Variants in RFX6 observed in about 807,000 individuals in gnomAD.
RFX6 encodes DNA-binding protein RFX6.
A neutral mutation model predicts 110.8 loss-of-function variants in RFX6; 50 were observed. The ratio of observed to expected loss-of-function variants is 0.45; its 90% confidence interval spans 0.36 to 0.57. The LOEUF (loss-of-function observed/expected upper bound fraction) is 0.57, where lower values mean the gene tolerates loss of function less well. Ranked by LOEUF, RFX6 falls within the 20% of genes least tolerant of loss-of-function variation. RFX6 has a pLI of 0.00. For synonymous variants in RFX6, 383 were observed against 411.2 expected (o/e 0.93, Z 0.83); for missense variants, 990 against 1,127.0 (o/e 0.88, Z 1.74).
chr6:116,922,747 G>T (rs1467341523), intron 13 of RFX6, among the ~76,000 whole-genome samples: 1 of 152,088 alleles, frequency 6.6e-6, no homozygotes, highest in East Asian at 1.9e-4. Flanking sequence ...CAGTACCAAA[G>T]AAGTCAGAGT....
chr6:116,909,617 AAT>A lies in RFX6; in HGVS notation c.673-1316_673-1315del, dbSNP rs534206628. Among the ~76,000 whole-genome samples the A allele has an allele frequency of 3.3e-4, 43 of 129,382 alleles. No individual in the cohort carries two copies. In the East Asian group the frequency reaches 4.3e-3, roughly 13 times the overall value. 84.9% of individuals were successfully genotyped at this position (129,382 alleles called of 152,430 possible). On this transcript the variant is annotated intron_variant, in intron 6 of 18. Transcript: ENST00000332958. Reference sequence around the variant, plus strand: ...TATCAGTTTATGATAATTATTAAATAATAGTTATTAATTAAAAAATTAAGAAT... The same window carrying A: ...TATCAGTTTATGATAATTATTAAATAAGTTATTAATTAAAAAATTAAGAAT...
rs144469309 is a variant in RFX6 at position 116,884,200 on chromosome 6, T to A, written c.566+1772T>A. Reference sequence around the variant, plus strand: ...TGTCTCTTGAACTTCTTCCTTTAGATCTTTTTTTAGTCCATTGATTTATTG... The same window carrying A: ...TGTCTCTTGAACTTCTTCCTTTAGAACTTTTTTTAGTCCATTGATTTATTG... On this transcript the variant is annotated intron_variant, in intron 4 of 18. Coordinates refer to ENST00000332958, the MANE Select transcript of RFX6 (RefSeq NM_173560.4). Among the ~76,000 whole-genome samples, 4 of 152,316 alleles carry A rather than the reference T, an allele frequency of 2.6e-5. No homozygotes were observed. The East Asian group carries it at 5.8e-4, about 22-fold the overall frequency.
chr6:116,878,074 C>A, intron 2 of RFX6, 122 bp downstream of exon 2: 1 of 1,040,234 alleles, frequency 9.6e-7, no homozygotes, highest in Non-Finnish European at 1.4e-6. Flanking sequence ...TTTAAAAAAC[C>A]AATTAGAATT....
chr6:116,900,862 A>G lies in RFX6; in HGVS notation c.672+5655A>G, dbSNP rs1187470397. On this transcript the variant is annotated intron_variant, in intron 6 of 18. Transcript: ENST00000332958. ...GTTAATTATAAAAAAAGGACACAGA[A>G]GCAAATATATGTGAAATATGTAAAG... Among the ~76,000 whole-genome samples, 5 of 152,284 alleles carry G rather than the reference A, an allele frequency of 3.3e-5. No individual in the cohort carries two copies. In the South Asian group the frequency reaches 8.3e-4, roughly 25 times the overall value.
intron 4 of RFX6, among the ~76,000 whole-genome samples, chr6:116,885,341 A>G (rs1774677873): frequency 6.6e-6 from 1 of 152,208 alleles, no homozygotes. Flanking sequence ...TATGCTTTCA[A>G]CCGCACTATC....
At chr6:116,886,924 G>C (rs571684240) in intron 4 of RFX6, among the ~76,000 whole-genome samples, 3 of 151,820 alleles carry the variant, frequency 2.0e-5, no homozygotes, top group Admixed American at 2.0e-4. Flanking sequence ...TTAGCTGGGC[G>C]TGGTGGTGCG....
chr6:116,894,092 T>A (rs1416256691), intron 5 of RFX6, 28 bp downstream of exon 5: 5 of 1,161,416 alleles, frequency 4.3e-6, no homozygotes, highest in Non-Finnish European at 5.2e-6. Context: ...TCAAGACAAA[T>A]TCTCTGTGTT....
intron 4 of RFX6, among the ~76,000 whole-genome samples, chr6:116,890,780 C>T (rs139758293): frequency 9.9e-5 from 15 of 151,938 alleles, no homozygotes; most frequent in East Asian, 5.8e-4. Flanking sequence ...TTAAAAAGCA[C>T]GGTTTTTTGA....
At position 116,919,222 on chromosome 6, in the gene RFX6, G is replaced by A. The variant is rs1046919670; in HGVS notation, c.1108G>A (p.Asp370Asn). The change falls in exon 11 of 19, where the codon GAC (aspartate) becomes AAC (asparagine). Residue 370 changes from aspartate to asparagine, a missense_variant. By Grantham distance (23) the Asp-to-Asn change is conservative. Around this residue, in one of 5 missense-constraint regions of RFX6, gnomAD observed 243 missense variants for 353.1 expected, o/e 0.69. Transcript: ENST00000332958. ...GGAAAACTTGCCAGAAGCTCTAACT[G>A]ACAAGAAAATACCTATTGTGCGAAG... ...SLENLPEALT[D>N]KKIPIVRRFV... The A allele has an allele frequency of 6.2e-7, 1 of 1,613,552 alleles. No homozygotes were observed. The highest frequency in any genetic ancestry group is 1.3e-5 in the African/African-American group (1 of 75,018).
chr6:116,898,361 A>T (rs339347), intron 6 of RFX6, among the ~76,000 whole-genome samples: 3 of 151,754 alleles, frequency 2.0e-5, no homozygotes, highest in African/African-American at 7.3e-5. Flanking sequence ...ACAGGGTCTC[A>T]CTCTGTCACC....
chr6:116,893,276 A>G (rs1334064215), intron 4 of RFX6, among the ~76,000 whole-genome samples: 1 of 152,180 alleles, frequency 6.6e-6, no homozygotes, highest in Non-Finnish European at 1.5e-5. Flanking sequence ...GTGTTTGTAT[A>G]TGGGTGTGTA....
At position 116,931,620 on chromosome 6, in the gene RFX6, C is replaced by T. The variant is rs1775888493; in HGVS notation, c.*114C>T. 2.5e-6 allele frequency: 2 copies of T among 803,926 alleles called. No individual in the cohort carries two copies. Among genetic ancestry groups the T allele is most frequent in the Admixed American group, 4.5e-5 (2 of 44,372 alleles). 49.8% of individuals were successfully genotyped at this position (803,926 alleles called of 1,614,324 possible). A position where few individuals can be genotyped will look rare whatever the true frequency, so the allele number is the denominator to read the frequency against. ...ATAAAAATGAATATGCAGTGGCTGA[C>T]ATTGTTTTAAAGTCACTGGTACTAT... On this transcript the variant is annotated 3_prime_UTR_variant, in exon 19 of 19. Coordinates refer to ENST00000332958, the MANE Select transcript of RFX6 (RefSeq NM_173560.4).
At chr6:116,887,232 C>A (rs529807025) in intron 4 of RFX6, among the ~76,000 whole-genome samples, 4 of 152,166 alleles carry the variant, frequency 2.6e-5, no homozygotes, top group Non-Finnish European at 4.4e-5. Context: ...AAGGCCACTG[C>A]TGCTGATGGT....
chr6:116,929,783 T>C (rs1036878019), intron 18 of RFX6, among the ~76,000 whole-genome samples: 4 of 152,206 alleles, frequency 2.6e-5, no homozygotes, highest in Non-Finnish European at 5.9e-5. Flanking sequence ...TCCAATGAGA[T>C]TGATTTCAGA....
rs200674766 is a variant in RFX6 at position 116,925,567 on chromosome 6, C to G, written c.1793C>G (p.Thr598Ser). The change falls in exon 16 of 19, where the codon ACC becomes AGC. Residue 598 changes from threonine to serine, a missense_variant. By Grantham distance (58) the Thr-to-Ser change is moderately conservative (BLOSUM62 1). Coordinates refer to ENST00000332958, the MANE Select transcript of RFX6 (RefSeq NM_173560.4). ...AAGAATGAAAGCCACGTGGAGACAA[C>G]CTATCTCCCTCTGCCATCCAGTCAA... ...AVKNESHVET[T>S]YLPLPSSQPG... 6.2e-7 allele frequency: 1 copy of G among 1,612,962 alleles called. No homozygotes were observed. The highest frequency in any genetic ancestry group is 1.7e-5 in the Admixed American group (1 of 60,012).
chr6:116,892,017 C>G (rs1774841464), intron 4 of RFX6, among the ~76,000 whole-genome samples: 1 of 151,964 alleles, frequency 6.6e-6, no homozygotes, highest in Non-Finnish European at 1.5e-5. Context: ...GTACATTTAC[C>G]AAAATTGAGG....
At position 116,920,394 on chromosome 6, in the gene RFX6, T is replaced by C; in HGVS notation, c.1267T>C (p.Ser423Pro). ...AAGGGTTGATTTGAACAGCATTGGC[T>C]CTCAAGCCCTTCTTACCATTTCAGG... is the stretch of plus-strand genomic sequence containing the variant. ...IERVDLNSIG[S>P]QALLTISGST... Residue 423 changes from serine to proline, a missense_variant, in exon 12 of 19, where the codon TCT becomes CCT. By Grantham distance (74) the Ser-to-Pro change is moderately conservative (BLOSUM62 -1). Coordinates refer to ENST00000332958, the MANE Select transcript of RFX6 (RefSeq NM_173560.4). 1 of 1,612,608 alleles carries C rather than the reference T, an allele frequency of 6.2e-7. No homozygotes were observed. The highest frequency in any genetic ancestry group is 8.5e-7 in the Non-Finnish European group (1 of 1,178,638).
intron 16 of RFX6, among the ~76,000 whole-genome samples, chr6:116,926,575 C>T (rs1775739472): frequency 6.6e-6 from 1 of 152,182 alleles, no homozygotes; most frequent in South Asian, 2.1e-4. Context: ...GAGTTGGTGG[C>T]ATTCATAAAT....
chr6:116,927,317 C>T lies in RFX6; in HGVS notation c.2176C>T (p.Arg726Ter), dbSNP rs144648002. Residue 726 changes from arginine to a stop codon, truncating the protein, a stop_gained, in exon 17 of 19, where the codon CGA becomes TGA. Transcript: ENST00000332958. LOFTEE classifies it high-confidence loss of function. The stretch of plus-strand genomic sequence containing the variant: ...CTATCCTCATCACACCGAGCATGGT[C>T]GATGCATGGCTTGGACTGAACAGCA... ...GLYPHHTEHG[R>*]CMAWTEQQLS... 5 of 1,614,152 alleles carry T rather than the reference C, an allele frequency of 3.1e-6. No homozygotes were observed. The highest frequency in any genetic ancestry group is 1.7e-5 in the Admixed American group (1 of 60,020).
Sources: gnomAD v4.1 joint callset for allele counts (sites outside exome capture counted in the v4.1 genomes callset) on GRCh38, gnomAD v4.1.1 for gene constraint, gnomAD v4.1.1 regional missense constraint, MANE v1.5 for transcripts, NCBI Gene and HGNC (gene_info 2026-07-23, HGNC 2026-07-21) for gene names.